Variants in TAB1 observed in about 807,000 individuals in gnomAD.
The protein encoded by TAB1 is TGF-beta-activated kinase 1 and MAP3K7-binding protein 1.
TAB1 carries 30 observed loss-of-function variants against 54.5 expected under a neutral mutation model. That is an observed-to-expected ratio of 0.55 (90% CI 0.41 to 0.75). The LOEUF (loss-of-function observed/expected upper bound fraction) is 0.75. Among genes scored for constraint, TAB1 ranks in the 30% least tolerant of loss-of-function variants. The pLI is 0.00. For missense variants in TAB1, 609 were observed against 683.2 expected, an observed-to-expected ratio of 0.89 and a Z score of 1.21; for synonymous variants, 289 against 286.9, an observed-to-expected ratio of 1.01 and a Z score of -0.07.
intron 1 of TAB1, among the ~76,000 whole-genome samples, chr22:39,404,214 G>T (rs1926268252): frequency 6.6e-6 from 1 of 152,194 alleles, no homozygotes; most frequent in Non-Finnish European, 1.5e-5. Flanking sequence ...CGGGGTGAGG[G>T]AGCCCTGGAA....
At chr22:39,403,055 C>G (rs183741885) in intron 1 of TAB1, among the ~76,000 whole-genome samples, 1 of 152,210 alleles carries the variant, frequency 6.6e-6, no homozygotes, top group African/African-American at 2.4e-5. Flanking sequence ...CTTGGTTGCC[C>G]GCTAACCAGA....
downstream of TAB1, chr22:39,433,160 C>T (rs570279958): frequency 3.8e-3 from 3,757 of 985,282 alleles, 8 homozygotes; most frequent in Middle Eastern, 7.8e-3. Flanking sequence ...TCCTTAAAGA[C>T]ATCAGTCTCG....
At chr22:39,407,960 G>A (rs1926440097) in intron 1 of TAB1, among the ~76,000 whole-genome samples, 1 of 152,182 alleles carries the variant, frequency 6.6e-6, no homozygotes, top group African/African-American at 2.4e-5. Context: ...CACTGAGTAA[G>A]TTGCCAGCAT....
At chr22:39,409,794 G>A (rs148899464) in intron 1 of TAB1, among the ~76,000 whole-genome samples, 152 of 152,206 alleles carry the variant, frequency 1.0e-3, no homozygotes, top group African/African-American at 3.5e-3. Context: ...ACGTAGCGCT[G>A]TCTGAGATTG....
intron 1 of TAB1, among the ~76,000 whole-genome samples, chr22:39,408,389 A>G (rs1435595568): frequency 6.6e-6 from 1 of 152,232 alleles, no homozygotes; most frequent in East Asian, 1.9e-4. Context: ...AAACGCTCTC[A>G]GATGAATTGT....
chr22:39,406,171 G>T (rs939313211), intron 1 of TAB1, among the ~76,000 whole-genome samples: 2 of 152,136 alleles, frequency 1.3e-5, no homozygotes, highest in African/African-American at 4.8e-5. Context: ...AGGCCAAGGC[G>T]TGTGGATCAC....
At chr22:39,418,674 G>GT in intron 5 of TAB1, 58 bp from the exon 6 acceptor site, 1 of 1,296,524 alleles carries the variant, frequency 7.7e-7, no homozygotes, top group African/African-American at 1.5e-5. Flanking sequence ...TGCCTTCCCG[G>GT]TATGCCCTAT....
chr22:39,422,662 G>T (rs1927146694), intron 8 of TAB1, among the ~76,000 whole-genome samples: 1 of 152,070 alleles, frequency 6.6e-6, no homozygotes, highest in Non-Finnish European at 1.5e-5. Context: ...CTCCCAAAGT[G>T]CTGGGATTAC....
In TAB1 at chr22:39,415,660, G is replaced by A. The variant is rs769585963; in HGVS notation, c.324+7G>A. On this transcript the variant is annotated splice_region_variant and intron_variant, in intron 3 of 10. Coordinates refer to ENST00000216160, the MANE Select transcript of TAB1 (RefSeq NM_006116.3). The surrounding 1 kb of genome is among the most constrained non-coding windows in gnomAD (Gnocchi z 4.9). Reference sequence around the variant, plus strand: ...GCGGCGTGTGCTGCTGCAGGTAATGGTGCCGGGGCCAACAGTGACCCAGCC... The same window carrying A: ...GCGGCGTGTGCTGCTGCAGGTAATGATGCCGGGGCCAACAGTGACCCAGCC... 2 of 1,604,728 alleles carry A rather than the reference G, an allele frequency of 1.2e-6. No individual in the cohort carries two copies. The highest frequency in any genetic ancestry group is 1.1e-5 in the South Asian group (1 of 90,902).
rs745577601 is a variant in TAB1, at chr22:39,431,222, AG to A, written c.*1003del. The stretch of plus-strand genomic sequence containing the variant: ...ACAGTACCCTGGGAGGCATAGGAGA[AG>A]GGTCGGGCCAGCCCAGCCCAGGGCC... On this transcript the variant is annotated 3_prime_UTR_variant, in exon 11 of 11. Coordinates refer to ENST00000216160, the MANE Select transcript of TAB1 (RefSeq NM_006116.3). 9.6e-5 allele frequency: 95 copies of A among 985,592 alleles called. No homozygotes were observed. Among genetic ancestry groups the A allele is most frequent in the Non-Finnish European group, 1.1e-4 (92 of 830,062 alleles). The allele number at this position is 985,592 out of a possible 1,614,324, so 61.1% of individuals were successfully genotyped here.
chr22:39,429,618 C>T (rs1927498511), intron 10 of TAB1, among the ~76,000 whole-genome samples: 2 of 152,106 alleles, frequency 1.3e-5, no homozygotes, highest in African/African-American at 2.4e-5. Context: ...GCTGGGATTA[C>T]AGGCACACGC....
chr22:39,430,546 T>C lies in TAB1; in HGVS notation c.*324T>C. Reference sequence around the variant, plus strand: ...CGCCCGAGCCTCCCCAGCAGCCTCCTACAGAGCAGGAAGAGGCGCCCTGTG... The same window carrying C: ...CGCCCGAGCCTCCCCAGCAGCCTCCCACAGAGCAGGAAGAGGCGCCCTGTG... On this transcript the variant is annotated 3_prime_UTR_variant, in exon 11 of 11. Coordinates refer to ENST00000216160, the MANE Select transcript of TAB1 (RefSeq NM_006116.3). 1.6e-6 allele frequency: 2 copies of C among 1,233,786 alleles called. No individual in the cohort carries two copies. Among genetic ancestry groups the C allele is most frequent in the Non-Finnish European group, 2.1e-6 (2 of 973,280 alleles). The allele number at this position is 1,233,786 out of a possible 1,614,324, so 76.4% of individuals were successfully genotyped here.
intron 3 of TAB1, 153 bp from the exon 4 acceptor site, chr22:39,416,638 G>A (rs762998992): frequency 2.1e-5 from 15 of 726,108 alleles, no homozygotes; most frequent in Non-Finnish European, 3.4e-5. Flanking sequence ...TTGCAGTGCT[G>A]GGCCAGAGGC....
Position 39,430,279 on chromosome 22 carries a change from C to G in TAB1, c.*57C>G. ...TGGCATGGGGCAGGACAGGGTCCAG[C>G]CTTTTCCTAACATCTGCCTGTGCCA... On this transcript the variant is annotated 3_prime_UTR_variant, in exon 11 of 11. Coordinates refer to ENST00000216160, the MANE Select transcript of TAB1 (RefSeq NM_006116.3). 1 of 1,594,698 alleles carries G rather than the reference C, an allele frequency of 6.3e-7. No individual in the cohort carries two copies. Among genetic ancestry groups the G allele is most frequent in the South Asian group, 1.1e-5 (1 of 90,770 alleles).
At chr22:39,424,361 A>T (rs1927226137) in intron 8 of TAB1, among the ~76,000 whole-genome samples, 1 of 150,886 alleles carries the variant, frequency 6.6e-6, no homozygotes, top group Non-Finnish European at 1.5e-5. Flanking sequence ...AGATGCCCAG[A>T]CTGCTGGATT....
Position 39,430,240 on chromosome 22 carries a change from GC to G in TAB1, c.*21del. On this transcript the variant is annotated 3_prime_UTR_variant, in exon 11 of 11. Coordinates refer to ENST00000216160, the MANE Select transcript of TAB1 (RefSeq NM_006116.3). Reference sequence around the variant, plus strand: ...CACCGTAGGGCAGCCGGAGAATGCAGCCCAAGCAGGGCCTGGCATGGGGCAG... The same window carrying G: ...CACCGTAGGGCAGCCGGAGAATGCAGCCAAGCAGGGCCTGGCATGGGGCAG... The G allele has an allele frequency of 6.2e-7, 1 of 1,609,022 alleles. No homozygotes were observed.
rs370788651 is a variant in TAB1, at chr22:39,415,496, C to T, written c.171-4C>T. 2.5e-6 allele frequency: 4 copies of T among 1,613,178 alleles called. No homozygotes were observed. The highest frequency in any genetic ancestry group is 1.6e-4 in the Middle Eastern group (1 of 6,078). ...GGCCTCCCTCTGCCCTCTCCCTCTT[C>T]CAGGAGTGAGAACAACTGCTTCCTG... On this transcript the variant is annotated splice_polypyrimidine_tract_variant and splice_region_variant and intron_variant, in intron 2 of 10. Transcript: ENST00000216160. This position sits in a 1 kb window ranked among gnomAD's most constrained non-coding sequence, Gnocchi z 4.9.
chr22:39,421,852 G>A lies in TAB1; in HGVS notation c.802G>A (p.Ala268Thr), dbSNP rs1386909655. 7.4e-6 allele frequency: 12 copies of A among 1,613,832 alleles called. No homozygotes were observed. The highest frequency in any genetic ancestry group is 1.6e-4 in the Middle Eastern group (1 of 6,082). The change falls in exon 8 of 11, where the codon GCA becomes ACA. Residue 268 changes from alanine (A) to threonine (T), a missense_variant. Physicochemically the swap from Ala to Thr is moderately conservative, Grantham distance 58 (BLOSUM62 0). Coordinates refer to ENST00000216160, the MANE Select transcript of TAB1 (RefSeq NM_006116.3). Reference protein sequence around the residue: ...LSAAKSKPIIAEPEIHGAQPL... With the variant: ...LSAAKSKPIITEPEIHGAQPL... ...CGCTGCCAAGTCCAAACCAATCATCGCAGAGCCAGAAATCCATGGGGCACA... is the reference window on the plus strand; with the variant it reads ...CGCTGCCAAGTCCAAACCAATCATCACAGAGCCAGAAATCCATGGGGCACA...
chr22:39,430,592 C>T lies in TAB1; in HGVS notation c.*370C>T. 8.8e-7 allele frequency: 1 copy of T among 1,140,030 alleles called. No individual in the cohort carries two copies. Among genetic ancestry groups the T allele is most frequent in the Non-Finnish European group, 1.1e-6 (1 of 917,816 alleles). The allele number at this position is 1,140,030 out of a possible 1,614,324, so 70.6% of individuals were successfully genotyped here. A position where few individuals can be genotyped will look rare whatever the true frequency, so the allele number is the denominator to read the frequency against. On this transcript the variant is annotated 3_prime_UTR_variant, in exon 11 of 11. Coordinates refer to ENST00000216160, the MANE Select transcript of TAB1 (RefSeq NM_006116.3). ...CTGTGAACCCTGAGTGTTGCAGGCC[C>T]AGCAGACCCTGCTGTCCCAAGCCCA...
Sources: gnomAD v4.1 joint callset for allele counts (sites outside exome capture counted in the v4.1 genomes callset) on GRCh38, gnomAD v4.1.1 for gene constraint, Gnocchi (gnomAD v3.1) non-coding constraint, MANE v1.5 for transcripts, NCBI Gene and HGNC (gene_info 2026-07-23, HGNC 2026-07-21) for gene names.